The following RAB20 variants were observed in gnomAD, a reference collection of about 807,000 sequenced individuals.
RAB20 encodes the protein RAB20, member RAS oncogene family.
Under a neutral mutation model 3.7 loss-of-function variants are expected in RAB20, and 2 were observed. The ratio of observed to expected loss-of-function variants is 0.54; its 90% confidence interval spans 0.22 to 1.69. The LOEUF (loss-of-function observed/expected upper bound fraction) is 1.69. Ranked by LOEUF, RAB20 falls within the 40% of genes most tolerant of loss-of-function variation. The pLI, the probability that RAB20 is intolerant of heterozygous loss-of-function variation, is 0.19. For synonymous variants in RAB20, 126 were observed against 130.8 expected, an observed-to-expected ratio of 0.96 and a Z score of 0.25; for missense variants, 276 against 311.9, an observed-to-expected ratio of 0.88 and a Z score of 0.87.
chr13:110,527,900 T>TACACACACACACACACACACAC (rs61582404), intron 1 of RAB20, among the ~76,000 whole-genome samples: 18 of 138,216 alleles, frequency 1.3e-4, no homozygotes, highest in East Asian at 2.2e-4. Flanking sequence ...TCTCTACAAA[T>TACACACACACACACACACACAC]ACACACACAC....
chr13:110,535,997 A>T (rs1397468891), intron 1 of RAB20, among the ~76,000 whole-genome samples: 1 of 152,236 alleles, frequency 6.6e-6, no homozygotes, highest in Non-Finnish European at 1.5e-5. Context: ...AGAAGTGATT[A>T]GCTAAAATGT....
chr13:110,533,549 G>A (rs1305004116), intron 1 of RAB20, among the ~76,000 whole-genome samples: 2 of 152,092 alleles, frequency 1.3e-5, no homozygotes, highest in African/African-American at 4.8e-5. Flanking sequence ...AGCTGGGTAT[G>A]ATGGTATGTG....
intron 1 of RAB20, among the ~76,000 whole-genome samples, chr13:110,543,432 C>T (rs987131175): frequency 1.3e-5 from 2 of 152,134 alleles, no homozygotes; most frequent in African/African-American, 2.4e-5. Flanking sequence ...GGCACCTGGC[C>T]CTTTGCTCAT....
intron 1 of RAB20, among the ~76,000 whole-genome samples, chr13:110,527,189 C>T (rs573139643): frequency 6.6e-5 from 10 of 152,246 alleles, no homozygotes; most frequent in South Asian, 6.2e-4. Context: ...ATTCTGATGA[C>T]GCCAAGTCCT....
chr13:110,544,938 C>T (rs938408920), intron 1 of RAB20, among the ~76,000 whole-genome samples: 2 of 152,196 alleles, frequency 1.3e-5, no homozygotes, highest in African/African-American at 4.8e-5. Context: ...TCCCGTGCTA[C>T]TCTTGTGGTA....
At chr13:110,561,289 G>A (rs1242330930) in intron 1 of RAB20, 59 bp downstream of exon 1, 28 of 1,479,548 alleles carry the variant, frequency 1.9e-5, no homozygotes, top group Non-Finnish European at 2.5e-5. Flanking sequence ...TGGAAGCCCC[G>A]CGCCCCCCGT....
intron 1 of RAB20, among the ~76,000 whole-genome samples, chr13:110,535,797 G>A (rs9515247): frequency 0.22 from 33,376 of 152,246 alleles, 3,833 homozygotes; most frequent in East Asian, 0.32. Context: ...CAAAGCTCCG[G>A]CCGCGCAAGG....
In RAB20 at chr13:110,523,468, C is replaced by T. The variant is rs986648645; in HGVS notation, c.*197G>A. The T allele has an allele frequency of 4.7e-6, 5 of 1,067,476 alleles. No individual in the cohort carries two copies. The African/African-American group carries it at 6.4e-5, about 14-fold the overall frequency. The allele number at this position is 1,067,476 out of a possible 1,614,324, so 66.1% of individuals were successfully genotyped here. On this transcript the variant is annotated 3_prime_UTR_variant, in exon 2 of 2. Coordinates refer to ENST00000267328, the MANE Select transcript of RAB20 (RefSeq NM_017817.3). The stretch of plus-strand genomic sequence containing the variant: ...GGATTCCTGTTTCCCACCTCCCCAC[C>T]CCTCTGACAGAGACTGAGGAGACCA...
intron 1 of RAB20, among the ~76,000 whole-genome samples, chr13:110,549,825 A>G (rs956124036): frequency 1.3e-5 from 2 of 152,000 alleles, no homozygotes; most frequent in Non-Finnish European, 2.9e-5. Context: ...CTGGGTTCGA[A>G]CGACCCTCTT....
intron 1 of RAB20, among the ~76,000 whole-genome samples, chr13:110,532,702 A>G (rs1255935580): frequency 6.6e-6 from 1 of 152,126 alleles, no homozygotes; most frequent in Non-Finnish European, 1.5e-5. Context: ...TTTTTGAGAC[A>G]GAGTCTTGCT....
intron 1 of RAB20, among the ~76,000 whole-genome samples, chr13:110,543,267 T>G (rs773332136): frequency 4.6e-5 from 7 of 152,166 alleles, no homozygotes; most frequent in Non-Finnish European, 7.3e-5. Flanking sequence ...TAGGTGGGAC[T>G]ACAGATGTGC....
chr13:110,540,674 G>A (rs1395538028), intron 1 of RAB20, among the ~76,000 whole-genome samples: 5 of 151,808 alleles, frequency 3.3e-5, no homozygotes, highest in South Asian at 2.1e-4. Flanking sequence ...CCCAGGAGGC[G>A]GAGGTTGCAG....
intron 1 of RAB20, among the ~76,000 whole-genome samples, chr13:110,552,756 G>A (rs1309186977): frequency 6.6e-6 from 1 of 151,874 alleles, no homozygotes; most frequent in Non-Finnish European, 1.5e-5. Context: ...TCTCCAGAGA[G>A]CTTAAAGATA....
chr13:110,561,414 T>G lies in RAB20; in HGVS notation c.106A>C (p.Thr36Pro), dbSNP rs369715253. The G allele has an allele frequency of 1.9e-6, 3 of 1,609,848 alleles. No homozygotes were observed. In the African/African-American group the frequency reaches 4.0e-5, roughly 22 times the overall value. ...MERRFPDTVS[T>P]VGGAFYLKQW... ...TTCAGGTAGAAGGCGCCGCCCACCG[T>G]GCTGACCGTGTCCGGGAAGCGCCGC... The change falls in exon 1 of 2, where the codon ACG (threonine) becomes CCG (proline). Residue 36 changes from threonine to proline, a missense_variant. Coordinates refer to ENST00000267328, the MANE Select transcript of RAB20 (RefSeq NM_017817.3).
chr13:110,537,165 ATTTT>A (rs151280339), intron 1 of RAB20, among the ~76,000 whole-genome samples: 1 of 147,086 alleles, frequency 6.8e-6, no homozygotes, highest in Non-Finnish European at 1.5e-5. Context: ...TTTTATTTTT[ATTTT>A]TTTTTTGGTA....
chr13:110,553,695 T>C (rs1884994525), intron 1 of RAB20, among the ~76,000 whole-genome samples: 1 of 152,224 alleles, frequency 6.6e-6, no homozygotes, highest in Non-Finnish European at 1.5e-5. Context: ...ATTGACCAAA[T>C]GGTCTCCAGT....
chr13:110,534,870 G>A (rs1884610849), intron 1 of RAB20, among the ~76,000 whole-genome samples: 1 of 152,204 alleles, frequency 6.6e-6, no homozygotes, highest in African/African-American at 2.4e-5. Flanking sequence ...GTCTCGCTCT[G>A]TCACCCAGGC....
intron 1 of RAB20, among the ~76,000 whole-genome samples, chr13:110,535,020 G>C (rs1268190182): frequency 6.6e-6 from 1 of 151,928 alleles, no homozygotes; most frequent in East Asian, 1.9e-4. Context: ...TTTTAGTAGA[G>C]ATGAGGTCTC....
chr13:110,534,620 C>G (rs906437531), intron 1 of RAB20, among the ~76,000 whole-genome samples: 1 of 152,112 alleles, frequency 6.6e-6, no homozygotes, highest in Admixed American at 6.5e-5. Context: ...GTTCCTTGCC[C>G]GGGCAGTTAT....
Sources: gnomAD v4.1 joint callset for allele counts (sites outside exome capture counted in the v4.1 genomes callset) on GRCh38, gnomAD v4.1.1 for gene constraint, MANE v1.5 for transcripts, NCBI Gene and HGNC (gene_info 2026-07-23, HGNC 2026-07-21) for gene names.